The following MARCHF1 variants were observed in gnomAD, a reference collection of about 807,000 sequenced individuals.
The protein encoded by MARCHF1 is E3 ubiquitin-protein ligase MARCHF1.
A neutral mutation model predicts 54.2 loss-of-function variants in MARCHF1; 40 were observed. That is an observed-to-expected ratio of 0.74 (90% confidence interval 0.57 to 0.96). MARCHF1 has a LOEUF of 0.96. Ranked by LOEUF, MARCHF1 falls within the 40% of genes least tolerant of loss-of-function variation. The pLI, the probability that MARCHF1 is intolerant of heterozygous loss-of-function variation, is 0.00. For synonymous variants in MARCHF1, 236 were observed against 236.3 expected, an observed-to-expected ratio of 1.00 and a Z score of 0.01; for missense variants, 586 against 656.5, an observed-to-expected ratio of 0.89 and a Z score of 1.17.
At chr4:164,067,760 C>T (rs917058205) in intron 2 of MARCHF1, among the ~76,000 whole-genome samples, 14 of 151,980 alleles carry the variant, frequency 9.2e-5, no homozygotes, top group Non-Finnish European at 1.3e-4. Flanking sequence ...AGCTCCTGCA[C>T]GGCAATGAAA....
chr4:164,348,049 T>C (rs180730540), intron 1 of MARCHF1, among the ~76,000 whole-genome samples: 53 of 152,246 alleles, frequency 3.5e-4, no homozygotes, highest in Admixed American at 3.0e-3. Context: ...ATAAATTAAA[T>C]GAAAAAGAAT....
chr4:163,748,841 A>C (rs1181986811), intron 4 of MARCHF1, among the ~76,000 whole-genome samples: 1 of 152,222 alleles, frequency 6.6e-6, no homozygotes, highest in Non-Finnish European at 1.5e-5. Flanking sequence ...AGAACAAAGA[A>C]GTACATATTA....
At chr4:163,562,803 C>A (rs1040010791) in intron 8 of MARCHF1, among the ~76,000 whole-genome samples, 1 of 152,162 alleles carries the variant, frequency 6.6e-6, no homozygotes, top group Non-Finnish European at 1.5e-5. Flanking sequence ...TTTCTATGTT[C>A]TTCCCAGTTA....
chr4:163,907,267 T>C, intron 3 of MARCHF1, among the ~76,000 whole-genome samples: 1 of 152,078 alleles, frequency 6.6e-6, no homozygotes, highest in East Asian at 1.9e-4. Flanking sequence ...AGACTGCAAA[T>C]GAATGAAATA....
Position 163,549,508 on chromosome 4 carries a change from C to T in MARCHF1, c.1192-3765G>A, listed in dbSNP as rs1739029351. On this transcript the variant is annotated intron_variant, in intron 8 of 9. Transcript: ENST00000514618. ...CTACACTGCCGACCCTCTGATCTGCCCTTCCTTAGTCTTCAAGTTCTCCTT... is the reference window on the plus strand; with the variant it reads ...CTACACTGCCGACCCTCTGATCTGCTCTTCCTTAGTCTTCAAGTTCTCCTT... Among the ~76,000 whole-genome samples, 5 of 152,042 alleles carry T rather than the reference C, an allele frequency of 3.3e-5. 1 individual carries two copies. The highest frequency in any genetic ancestry group is 3.3e-4 in the Admixed American group (5 of 15,266).
At chr4:163,939,641 T>C (rs935309955) in intron 3 of MARCHF1, among the ~76,000 whole-genome samples, 27 of 152,290 alleles carry the variant, frequency 1.8e-4, no homozygotes, top group African/African-American at 5.8e-4. Flanking sequence ...ATGACAAATA[T>C]GTTTATCTCT....
At chr4:163,725,337 G>T (rs867714007) in intron 4 of MARCHF1, among the ~76,000 whole-genome samples, 1 of 152,034 alleles carries the variant, frequency 6.6e-6, no homozygotes, top group African/African-American at 2.4e-5. Context: ...AGTTAAGTGG[G>T]TATGGTGGCA....
intron 3 of MARCHF1, among the ~76,000 whole-genome samples, chr4:163,959,821 T>C (rs1030310362): frequency 2.0e-5 from 3 of 151,970 alleles, no homozygotes; most frequent in African/African-American, 7.3e-5. Context: ...ACTAATGGGA[T>C]CTAATTAAAC....
chr4:164,201,791 G>A (rs538340830), intron 1 of MARCHF1, among the ~76,000 whole-genome samples: 1 of 152,266 alleles, frequency 6.6e-6, no homozygotes, highest in African/African-American at 2.4e-5. Context: ...TCAGTATTTT[G>A]TTTATAGAAA....
At chr4:163,987,361 G>T (rs1421110196) in intron 3 of MARCHF1, among the ~76,000 whole-genome samples, 1 of 152,158 alleles carries the variant, frequency 6.6e-6, no homozygotes, top group Non-Finnish European at 1.5e-5. Context: ...GCCACATCAA[G>T]AACTCATTGC....
chr4:163,850,571 T>C (rs1749614120), intron 4 of MARCHF1, among the ~76,000 whole-genome samples: 1 of 152,248 alleles, frequency 6.6e-6, no homozygotes, highest in Admixed American at 6.5e-5. Context: ...ATACAGAAAT[T>C]TGAAGCCAAA....
rs79451158 is a variant in MARCHF1 at position 163,831,642 on chromosome 4, A to T, written c.111+22379T>A. 6.3e-3 allele frequency among the ~76,000 whole-genome samples: 950 copies of T among 151,290 alleles called. 6 individuals are homozygous for T. The highest frequency in any genetic ancestry group is 0.021 in the African/African-American group (860 of 40,610). On this transcript the variant is annotated intron_variant, in intron 4 of 9. Coordinates refer to ENST00000514618, the MANE Select transcript of MARCHF1 (RefSeq NM_001394959.1). Reference sequence around the variant, plus strand: ...AATAAAGTCCAAAGTTGGGATAGTCACTAAATCCAAATCCAAACAGAAGTA... The same window carrying T: ...AATAAAGTCCAAAGTTGGGATAGTCTCTAAATCCAAATCCAAACAGAAGTA...
At chr4:164,096,069 A>G (rs1224244456) in intron 2 of MARCHF1, among the ~76,000 whole-genome samples, 1 of 152,196 alleles carries the variant, frequency 6.6e-6, no homozygotes, top group Non-Finnish European at 1.5e-5. Flanking sequence ...TACTGGGTAC[A>G]TACCCAAAGG....
intron 5 of MARCHF1, among the ~76,000 whole-genome samples, chr4:163,688,436 T>C (rs896810388): frequency 6.6e-6 from 1 of 152,208 alleles, no homozygotes; most frequent in Non-Finnish European, 1.5e-5. Flanking sequence ...AATGAAAATA[T>C]GTCCAAGCCT....
chr4:163,590,080 G>T (rs980520534), intron 7 of MARCHF1, among the ~76,000 whole-genome samples: 1 of 151,886 alleles, frequency 6.6e-6, no homozygotes, highest in African/African-American at 2.4e-5. Context: ...GTGTGTGTGT[G>T]TGCTTCACAT....
At chr4:163,541,190 T>G (rs776654325) in intron 9 of MARCHF1, among the ~76,000 whole-genome samples, 65 of 152,216 alleles carry the variant, frequency 4.3e-4, no homozygotes, top group Non-Finnish European at 1.6e-4. Context: ...CCAAGTATTT[T>G]CTGAATAATG....
chr4:163,608,371 C>A (rs1349719098), intron 7 of MARCHF1, among the ~76,000 whole-genome samples: 1 of 151,918 alleles, frequency 6.6e-6, no homozygotes, highest in Non-Finnish European at 1.5e-5. Flanking sequence ...TGGAAACAGA[C>A]CAGCATGAAA....
At chr4:163,774,054 G>C (rs867662240) in intron 4 of MARCHF1, among the ~76,000 whole-genome samples, 2 of 152,048 alleles carry the variant, frequency 1.3e-5, no homozygotes, top group African/African-American at 4.8e-5. Context: ...CTGTATCTGT[G>C]GGGGATTGGT....
chr4:163,787,026 T>C (rs1185232080), intron 4 of MARCHF1, among the ~76,000 whole-genome samples: 2 of 151,834 alleles, frequency 1.3e-5, no homozygotes, highest in East Asian at 3.8e-4. Flanking sequence ...TGAATATCCA[T>C]TTACAAAAGA....
Sources: allele counts gnomAD v4.1 joint callset (sites outside exome capture counted in the v4.1 genomes callset), GRCh38; gene constraint gnomAD v4.1.1; transcripts MANE v1.5; gene names NCBI Gene and HGNC (gene_info 2026-07-23, HGNC 2026-07-21).